Variants in EYA4 observed in about 807,000 individuals in gnomAD.
EYA4 encodes the protein protein phosphatase EYA4.
EYA4 carries 31 observed loss-of-function variants against 87.9 expected under a neutral mutation model. That is an observed-to-expected ratio of 0.35 (90% CI 0.27 to 0.48). The LOEUF (loss-of-function observed/expected upper bound fraction) is 0.48. Ranked by LOEUF, EYA4 falls within the 20% of genes least tolerant of loss-of-function variation. EYA4 has a pLI of 0.99. For synonymous variants in EYA4, 263 were observed against 270.6 expected, an observed-to-expected ratio of 0.97 and a Z score of 0.28; for missense variants, 678 against 761.4, an observed-to-expected ratio of 0.89 and a Z score of 1.29.
At position 133,515,407 on chromosome 6, in the gene EYA4, C is replaced by T; in HGVS notation, c.1588C>T (p.Leu530Phe). The change falls in exon 17 of 20, where the codon CTT (leucine) becomes TTT (phenylalanine). Residue 530 changes from leucine (L) to phenylalanine (F), a missense_variant. By Grantham distance (22) the Leu-to-Phe change is conservative. Coordinates refer to ENST00000355286, the MANE Select transcript of EYA4 (RefSeq NM_004100.5). ...GLTDSWLTNA[L>F]KSLSIISTRS... ...GACAGATTCCTGGCTAACAAATGCA[C>T]TTAAGTCTTTATCAATTATTAGCAC... 6.2e-7 allele frequency: 1 copy of T among 1,607,422 alleles called. No individual in the cohort carries two copies. The highest frequency in any genetic ancestry group is 1.1e-5 in the South Asian group (1 of 90,964).
chr6:133,431,340 G>A (rs1166433733), intron 3 of EYA4, among the ~76,000 whole-genome samples: 1 of 152,142 alleles, frequency 6.6e-6, no homozygotes, highest in Non-Finnish European at 1.5e-5. Flanking sequence ...AGAATAGGCT[G>A]TTCTAGGGCA....
At chr6:133,335,623 A>G (rs1782307237) in intron 2 of EYA4, among the ~76,000 whole-genome samples, 1 of 152,182 alleles carries the variant, frequency 6.6e-6, no homozygotes, top group Non-Finnish European at 1.5e-5. Context: ...TTGATTGAAG[A>G]CTAAAACTAA....
At chr6:133,478,166 TTTAAA>T (rs1322414482) in intron 11 of EYA4, among the ~76,000 whole-genome samples, 6 of 152,094 alleles carry the variant, frequency 3.9e-5, no homozygotes, top group African/African-American at 1.2e-4. Context: ...TAATACTGTC[TTTAAA>T]TTAATAAAAA....
At chr6:133,434,114 G>A (rs976251417) in intron 3 of EYA4, among the ~76,000 whole-genome samples, 2 of 152,222 alleles carry the variant, frequency 1.3e-5, no homozygotes, top group Non-Finnish European at 2.9e-5. Context: ...GAAAGTAAAA[G>A]AGTTTGAGAT....
chr6:133,356,641 G>C (rs1784056594), intron 2 of EYA4, among the ~76,000 whole-genome samples: 1 of 151,946 alleles, frequency 6.6e-6, no homozygotes, highest in African/African-American at 2.4e-5. Flanking sequence ...CTTATAATAA[G>C]ATATAAGGAC....
At chr6:133,251,422 TTA>T (rs1213578184) in intron 1 of EYA4, among the ~76,000 whole-genome samples, 1 of 151,958 alleles carries the variant, frequency 6.6e-6, no homozygotes, top group Non-Finnish European at 1.5e-5. Flanking sequence ...CTTACAGAAT[TTA>T]TCACTTGGAT....
At chr6:133,508,299 A>C (rs2128767301) in intron 14 of EYA4, among the ~76,000 whole-genome samples, 1 of 152,136 alleles carries the variant, frequency 6.6e-6, no homozygotes, top group South Asian at 2.1e-4. Context: ...CCTCTCTAAA[A>C]CCTGATTTAA....
chr6:133,315,203 G>A (rs1246450677), intron 2 of EYA4, among the ~76,000 whole-genome samples: 1 of 152,106 alleles, frequency 6.6e-6, no homozygotes, highest in East Asian at 1.9e-4. Context: ...CTCTTGGCCT[G>A]CACAGCTGTG....
intron 19 of EYA4, among the ~76,000 whole-genome samples, chr6:133,527,226 A>G (rs1057075488): frequency 2.0e-5 from 3 of 152,224 alleles, no homozygotes; most frequent in African/African-American, 7.2e-5. Flanking sequence ...TGTAGCGGTA[A>G]TCGCATGTGC....
intron 2 of EYA4, among the ~76,000 whole-genome samples, chr6:133,317,165 A>G (rs1200311527): frequency 6.6e-6 from 1 of 152,230 alleles, no homozygotes; most frequent in East Asian, 1.9e-4. Context: ...TCAAAAAGTC[A>G]GAAGGCTCTG....
chr6:133,382,360 A>T (rs747679765), intron 2 of EYA4, 32 bp from the exon 3 acceptor site: 10 of 1,509,990 alleles, frequency 6.6e-6, no homozygotes, highest in Non-Finnish European at 9.2e-6. Context: ...TTGTATTTTC[A>T]TATGAGAATA....
intron 3 of EYA4, among the ~76,000 whole-genome samples, chr6:133,429,741 T>G (rs554185573): frequency 2.4e-4 from 37 of 152,378 alleles, no homozygotes; most frequent in African/African-American, 8.7e-4. Context: ...ACCAGTTGTA[T>G]GAACTTAGTC....
chr6:133,450,116 G>T (rs1228403951), intron 5 of EYA4, among the ~76,000 whole-genome samples: 1 of 151,904 alleles, frequency 6.6e-6, no homozygotes, highest in African/African-American at 2.4e-5. Context: ...CTCCCGAGTA[G>T]CTGGGACTAC....
At chr6:133,277,613 C>T (rs1403149424) in intron 2 of EYA4, among the ~76,000 whole-genome samples, 1 of 152,180 alleles carries the variant, frequency 6.6e-6, no homozygotes, top group African/African-American at 2.4e-5. Context: ...AATGAGTATT[C>T]ATTCATTCTA....
chr6:133,460,585 T>C (rs1385429883), intron 6 of EYA4, among the ~76,000 whole-genome samples: 1 of 152,138 alleles, frequency 6.6e-6, no homozygotes, highest in East Asian at 1.9e-4. Context: ...TTAGACTGCA[T>C]TTTTTAATTG....
At chr6:133,421,675 A>T (rs1490493284) in intron 3 of EYA4, among the ~76,000 whole-genome samples, 1 of 152,186 alleles carries the variant, frequency 6.6e-6, no homozygotes, top group Non-Finnish European at 1.5e-5. Context: ...ATGGTTTTCT[A>T]TTGTTTTGCT....
chr6:133,314,783 A>G (rs1208912588), intron 2 of EYA4, among the ~76,000 whole-genome samples: 1 of 152,182 alleles, frequency 6.6e-6, no homozygotes, highest in Non-Finnish European at 1.5e-5. Flanking sequence ...CTGTTAAAAC[A>G]TGTTTAGCTC....
intron 2 of EYA4, among the ~76,000 whole-genome samples, chr6:133,341,786 A>G (rs1782800236): frequency 1.3e-5 from 2 of 152,178 alleles, no homozygotes; most frequent in South Asian, 4.1e-4. Context: ...CTTTAAGCCA[A>G]CTACCACTTA....
intron 3 of EYA4, among the ~76,000 whole-genome samples, chr6:133,438,045 A>G (rs1021696739): frequency 6.6e-6 from 1 of 152,202 alleles, no homozygotes; most frequent in African/African-American, 2.4e-5. Flanking sequence ...TACATTCTGT[A>G]TAAATTGGAA....
Sources: allele counts gnomAD v4.1 joint callset (sites outside exome capture counted in the v4.1 genomes callset), GRCh38; gene constraint gnomAD v4.1.1; transcripts MANE v1.5; gene names NCBI Gene and HGNC (gene_info 2026-07-23, HGNC 2026-07-21).